The following SH2D5 variants were observed in gnomAD, a reference collection of about 807,000 sequenced individuals.
SH2D5 encodes SH2 domain-containing protein 5.
Under a neutral mutation model 48.2 loss-of-function variants are expected in SH2D5, and 45 were observed. That is an observed-to-expected ratio of 0.93 (90% CI 0.73 to 1.20). The LOEUF is 1.20. SH2D5 is among the 50% of genes most tolerant of loss of function. SH2D5 has a pLI of 0.00. For synonymous variants in SH2D5, 230 were observed against 249.8 expected (o/e 0.92, Z 0.75); for missense variants, 538 against 584.1 (o/e 0.92, Z 0.81).
At chr1:20,726,199 G>A in intron 4 of SH2D5, 133 bp from the exon 5 acceptor site, 1 of 1,157,084 alleles carries the variant, frequency 8.6e-7, no homozygotes, top group Middle Eastern at 2.9e-4. Context: ...CCTTCACATG[G>A]GCCCTGGGGC....
chr1:20,722,913 G>A lies in SH2D5; in HGVS notation c.911C>T (p.Pro304Leu). 6.3e-7 allele frequency: 1 copy of A among 1,580,176 alleles called. No homozygotes were observed. The highest frequency in any genetic ancestry group is 2.3e-5 in the East Asian group (1 of 43,814). ...NIWAFAGISR[P>L]CALALLRRDV... The stretch of plus-strand genomic sequence containing the variant: ...TCTCCGCAACAGGGCCAGGGCACAG[G>A]GCCTAGGAGCACAGAGGGGAGAGAG... Residue 304 changes from proline to leucine, a missense_variant and splice_region_variant, in exon 9 of 10, where the codon CCC becomes CTC. Pro to Leu is a moderately conservative substitution (Grantham distance 98, BLOSUM62 -3). Transcript: ENST00000444387.
intron 2 of SH2D5, 122 bp downstream of exon 2, chr1:20,727,836 G>T (rs1393551731): frequency 8.4e-6 from 8 of 951,494 alleles, no homozygotes; most frequent in African/African-American, 1.6e-5. Context: ...ACACTCCCCA[G>T]CCCAAGTCAG....
chr1:20,730,124 C>A (rs190368056), intron 1 of SH2D5, among the ~76,000 whole-genome samples: 1 of 151,712 alleles, frequency 6.6e-6, no homozygotes, highest in Non-Finnish European at 1.5e-5. Context: ...GCCAGGATGG[C>A]GGGCAGTGGG....
intron 4 of SH2D5, 51 bp from the exon 5 acceptor site, chr1:20,726,117 C>A (rs1441710000): frequency 6.5e-7 from 1 of 1,532,654 alleles, no homozygotes; most frequent in Admixed American, 2.0e-5. Flanking sequence ...GGCAGCCCCA[C>A]CCCTGCTTGC....
Position 20,724,590 on chromosome 1 carries a change from A to G in SH2D5, c.436T>C (p.Tyr146His). 6.3e-7 allele frequency: 1 copy of G among 1,593,170 alleles called. No homozygotes were observed. Among genetic ancestry groups the G allele is most frequent in the Non-Finnish European group, 8.5e-7 (1 of 1,170,312 alleles). Residue 146 changes from tyrosine to histidine, a missense_variant, in exon 6 of 10, where the codon TAC (tyrosine) becomes CAC (histidine). Coordinates refer to ENST00000444387, the MANE Select transcript of SH2D5 (RefSeq NM_001103161.2). ...LLLCRSFQLA[Y>H]LLQHPEERAQ... ...CGCTCCTCAGGGTGCTGCAAGAGGT[A>G]AGCCAGCTGGAAAGAGCGGCACAGC...
intron 1 of SH2D5, among the ~76,000 whole-genome samples, chr1:20,730,392 A>G (rs2054886215): frequency 6.6e-6 from 1 of 151,962 alleles, no homozygotes; most frequent in Non-Finnish European, 1.5e-5. Flanking sequence ...ACGCGCACAC[A>G]GCTGTGTCCA....
In SH2D5 at chr1:20,724,260, C is replaced by T. The variant is rs1014782471; in HGVS notation, c.631-9G>A. The T allele has an allele frequency of 9.3e-6, 15 of 1,611,500 alleles. No individual in the cohort carries two copies. Among genetic ancestry groups the T allele is most frequent in the Admixed American group, 1.7e-5 (1 of 59,994 alleles). ...GACTCTGGCAGCTCCTTCTAGGGCACCAAGAGGGGCCCACAGGCAGGCAGA... is the reference window on the plus strand; with the variant it reads ...GACTCTGGCAGCTCCTTCTAGGGCATCAAGAGGGGCCCACAGGCAGGCAGA... On this transcript the variant is annotated splice_polypyrimidine_tract_variant and intron_variant, in intron 6 of 9. Transcript: ENST00000444387.
At chr1:20,723,279 G>C (rs972333637) in intron 8 of SH2D5, among the ~76,000 whole-genome samples, 1 of 152,192 alleles carries the variant, frequency 6.6e-6, no homozygotes, top group African/African-American at 2.4e-5. Flanking sequence ...AGCTTAGAAG[G>C]TTTCTCCAGA....
intron 2 of SH2D5, 24 bp downstream of exon 2, chr1:20,727,934 C>A (rs1457331379): frequency 3.0e-5 from 46 of 1,532,158 alleles, no homozygotes; most frequent in Non-Finnish European, 4.0e-5. Flanking sequence ...CCAGAGCACA[C>A]CTGGACAGGG....
intron 1 of SH2D5, among the ~76,000 whole-genome samples, chr1:20,730,047 G>A (rs1031289999): frequency 3.3e-5 from 5 of 152,210 alleles, no homozygotes; most frequent in African/African-American, 1.2e-4. Context: ...CAGGTAAGGA[G>A]GTGGGGAGGG....
chr1:20,722,046 CA>C lies in SH2D5; in HGVS notation c.1069-52del, dbSNP rs752286861. The C allele has an allele frequency of 1.7e-5, 27 of 1,549,276 alleles. 1 individual carries two copies. Among genetic ancestry groups the C allele is most frequent in the Non-Finnish European group, 2.4e-5 (27 of 1,136,476 alleles). Reference sequence around the variant, plus strand: ...CAGTCCCCTTCCCCAGGGCTCACGCCAGGCACCAGCCACCCGCTCCCACAGG... The same window carrying C: ...CAGTCCCCTTCCCCAGGGCTCACGCCGGCACCAGCCACCCGCTCCCACAGG... On this transcript the variant is annotated intron_variant, in intron 9 of 9. Transcript: ENST00000444387.
intron 7 of SH2D5, among the ~76,000 whole-genome samples, 171 bp downstream of exon 7, chr1:20,723,912 C>G (rs2054740555): frequency 6.6e-6 from 1 of 152,274 alleles, no homozygotes; most frequent in South Asian, 2.1e-4. Flanking sequence ...TGTACACAGT[C>G]CCCTTTGCAC....
chr1:20,731,712 GC>G (rs1379275103), intron 1 of SH2D5: 1 of 151,994 alleles, frequency 6.6e-6, no homozygotes, highest in African/African-American at 2.4e-5. Flanking sequence ...GGGCGGGTGG[GC>G]CGAGGCCCCT....
At position 20,728,002 on chromosome 1, in the gene SH2D5, C is replaced by G. The variant is rs751264434; in HGVS notation, c.43G>C (p.Gly15Arg). The G allele has an allele frequency of 6.4e-7, 1 of 1,569,012 alleles. No individual in the cohort carries two copies. Residue 15 changes from glycine (G) to arginine (R), a missense_variant, in exon 2 of 10, where the codon GGG becomes CGG. Physicochemically the swap from Gly to Arg is moderately radical, Grantham distance 125. Transcript: ENST00000444387. The surrounding 1 kb of genome is among the most constrained non-coding windows in gnomAD (Gnocchi z 4.3). Reference protein sequence around the residue: ...GAGGRRASDCGLAPHRPRCIT... With the variant: ...GAGGRRASDCRLAPHRPRCIT... Reference sequence around the variant, plus strand: ...CACCTGGGCCGGTGAGGGGCCAGCCCGCAGTCAGAGGCCCTGCGGCCCCCA... The same window carrying G: ...CACCTGGGCCGGTGAGGGGCCAGCCGGCAGTCAGAGGCCCTGCGGCCCCCA...
At chr1:20,722,129 G>A (rs545956849) in intron 9 of SH2D5, 134 bp from the exon 10 acceptor site, 10 of 756,180 alleles carry the variant, frequency 1.3e-5, no homozygotes, top group East Asian at 5.4e-5. Flanking sequence ...ATGTGCTATC[G>A]TGGCAGAGCC....
chr1:20,722,072 G>A, intron 9 of SH2D5, 77 bp from the exon 10 acceptor site: 1 of 1,392,846 alleles, frequency 7.2e-7, no homozygotes, highest in South Asian at 1.3e-5. Context: ...GCTCCCACAG[G>A]AGCCTGCACA....
chr1:20,724,150 C>A lies in SH2D5; in HGVS notation c.732G>T (p.Val244=). 2 of 1,613,046 alleles carry A rather than the reference C, an allele frequency of 1.2e-6. No homozygotes were observed. The highest frequency in any genetic ancestry group is 2.2e-5 in the South Asian group (2 of 91,084). ...LVRKKAIRSK[V]IRSGAYRGCT... ...AGCCGCGGTAGGCCCCCGAGCGGAT[C>A]ACCTTGCTGCGAATGGCCTTCTTGC... The change falls in exon 7 of 10, where the codon GTG becomes GTT. Residue 244 remains valine, a synonymous_variant. Coordinates refer to ENST00000444387, the MANE Select transcript of SH2D5 (RefSeq NM_001103161.2).
intron 9 of SH2D5, 109 bp from the exon 10 acceptor site, chr1:20,722,104 G>C: frequency 3.0e-6 from 3 of 1,003,426 alleles, no homozygotes; most frequent in South Asian, 3.2e-5. Context: ...AGGGAACGGA[G>C]CCCAGAGGCT....
At chr1:20,727,728 C>A (rs2054829767) in intron 2 of SH2D5, 125 bp from the exon 3 acceptor site, 2 of 1,010,652 alleles carry the variant, frequency 2.0e-6, no homozygotes, top group South Asian at 1.6e-5. Flanking sequence ...AGACAGAGCT[C>A]GATTCTCGGA....
Sources: allele counts gnomAD v4.1 joint callset (sites outside exome capture counted in the v4.1 genomes callset), GRCh38; gene constraint gnomAD v4.1.1; non-coding constraint Gnocchi (gnomAD v3.1); transcripts MANE v1.5; gene names NCBI Gene and HGNC (gene_info 2026-07-23, HGNC 2026-07-21).